The following SPATA13 variants were observed in gnomAD, a reference collection of about 807,000 sequenced individuals.
The protein encoded by SPATA13 is spermatogenesis-associated protein 13.
In SPATA13, 50 loss-of-function variants were observed where a neutral mutation model predicts 104.0. The ratio of observed to expected loss-of-function variants is 0.48; its 90% CI spans 0.38 to 0.61. SPATA13 has a LOEUF of 0.61. Ranked by LOEUF, SPATA13 falls within the 20% of genes least tolerant of loss-of-function variation. SPATA13 has a pLI of 0.00. For missense variants in SPATA13, 1,524 were observed against 1,690.6 expected (o/e 0.90, Z 1.73); for synonymous variants, 606 against 667.5 (o/e 0.91, Z 1.42).
chr13:24,109,194 T>G (rs1254710700), intron 3 of SPATA13, among the ~76,000 whole-genome samples: 1 of 152,174 alleles, frequency 6.6e-6, no homozygotes, highest in African/African-American at 2.4e-5. Context: ...CACCTATGAG[T>G]GAAAACATGC....
Position 24,224,119 on chromosome 13 carries a change from C to T in SPATA13, c.1190C>T (p.Thr397Ile). 1 of 1,551,654 alleles carries T rather than the reference C, an allele frequency of 6.4e-7. No homozygotes were observed. Among genetic ancestry groups the T allele is most frequent in the Non-Finnish European group, 8.7e-7 (1 of 1,147,004 alleles). ...CTVAPGFGSA[T>I]SKGPHLDADT... The stretch of plus-strand genomic sequence containing the variant: ...GTGGCCCCCGGTTTCGGCTCAGCCA[C>T]CTCTAAGGGGCCCCACCTAGACGCT... The change falls in exon 2 of 13, where the codon ACC (threonine) becomes ATC (isoleucine). Residue 397 changes from threonine to isoleucine, a missense_variant. Transcript: ENST00000382108.
At chr13:24,264,794 C>T (rs1048058738) in intron 4 of SPATA13, among the ~76,000 whole-genome samples, 3 of 152,182 alleles carry the variant, frequency 2.0e-5, no homozygotes, top group African/African-American at 7.2e-5. Flanking sequence ...CGTGTGCTTA[C>T]AGAGAACAGG....
intron 1 of SPATA13, among the ~76,000 whole-genome samples, chr13:23,982,246 A>G (rs1874936399): frequency 6.6e-6 from 1 of 152,230 alleles, no homozygotes; most frequent in African/African-American, 2.4e-5. Flanking sequence ...TAGAAAGTTC[A>G]GGTATGGACC....
intron 3 of SPATA13, among the ~76,000 whole-genome samples, chr13:24,115,692 G>A (rs1880810410): frequency 6.6e-6 from 1 of 152,224 alleles, no homozygotes; most frequent in Non-Finnish European, 1.5e-5. Context: ...GTGTCAGAGG[G>A]TCGGGAACAC....
At chr13:24,247,937 C>T (rs1419545353) in intron 2 of SPATA13, among the ~76,000 whole-genome samples, 2 of 152,132 alleles carry the variant, frequency 1.3e-5, no homozygotes, top group Non-Finnish European at 2.9e-5. Flanking sequence ...AGGAGGGAGC[C>T]GGTGGGCTGC....
intron 9 of SPATA13, among the ~76,000 whole-genome samples, chr13:24,292,139 G>T (rs1244513346): frequency 6.6e-6 from 1 of 152,194 alleles, no homozygotes; most frequent in Non-Finnish European, 1.5e-5. Flanking sequence ...TCTTCTGGGG[G>T]AGCCAAAAGT....
At chr13:24,247,847 G>A (rs946211213) in intron 2 of SPATA13, among the ~76,000 whole-genome samples, 6 of 152,058 alleles carry the variant, frequency 3.9e-5, no homozygotes, top group African/African-American at 1.2e-4. Context: ...TGGAAATGGC[G>A]AGCCTGGGGC....
intron 4 of SPATA13, among the ~76,000 whole-genome samples, chr13:24,280,837 C>T (rs1291452185): frequency 6.6e-6 from 1 of 152,156 alleles, no homozygotes; most frequent in African/African-American, 2.4e-5. Context: ...CACACACCAG[C>T]AAAGCATACT....
chr13:24,103,829 C>T (rs1404365080), intron 3 of SPATA13, among the ~76,000 whole-genome samples: 1 of 152,112 alleles, frequency 6.6e-6, no homozygotes, highest in African/African-American at 2.4e-5. Flanking sequence ...AGAGAATTTT[C>T]ATCCCTTTCA....
chr13:24,120,816 A>T (rs1282818824), intron 3 of SPATA13, among the ~76,000 whole-genome samples: 1 of 152,216 alleles, frequency 6.6e-6, no homozygotes, highest in Non-Finnish European at 1.5e-5. Context: ...AGGTACTTAC[A>T]GTTTAAAAGA....
intron 3 of SPATA13, among the ~76,000 whole-genome samples, chr13:24,106,562 T>C (rs1880461194): frequency 6.6e-6 from 1 of 152,082 alleles, no homozygotes; most frequent in Non-Finnish European, 1.5e-5. Context: ...CAGCAGTGGG[T>C]CACCAGCCAC....
intron 1 of SPATA13, among the ~76,000 whole-genome samples, chr13:24,182,490 G>GA (rs891399964): frequency 5.2e-4 from 48 of 92,544 alleles, no homozygotes; most frequent in African/African-American, 1.3e-3. Flanking sequence ...AAGTGAGAGA[G>GA]AGACAGAGAG....
chr13:24,273,478 G>A (rs1314290948), intron 4 of SPATA13, among the ~76,000 whole-genome samples: 1 of 152,122 alleles, frequency 6.6e-6, no homozygotes, highest in Non-Finnish European at 1.5e-5. Flanking sequence ...TATTTGTGAA[G>A]AATGGCTTGA....
Position 24,288,906 on chromosome 13 carries a change from T to C in SPATA13, c.2668-93T>C, listed in dbSNP as rs909844942. ...TAGAGTCTTTTTAATTAAAATTCAT[T>C]CCAAGTTCATGGCTTTAGGCCTACA... On this transcript the variant is annotated intron_variant, in intron 7 of 12. Transcript: ENST00000382108. 1.3e-5 allele frequency: 15 copies of C among 1,130,140 alleles called. No individual in the cohort carries two copies. In the East Asian group the frequency reaches 3.9e-4, roughly 30 times the overall value. 70.0% of individuals were successfully genotyped at this position (1,130,140 alleles called of 1,614,324 possible). A position where few individuals can be genotyped will look rare whatever the true frequency, so the allele number is the denominator to read the frequency against.
intron 1 of SPATA13, among the ~76,000 whole-genome samples, chr13:24,211,841 C>G (rs745585726): frequency 6.6e-6 from 1 of 152,200 alleles, no homozygotes; most frequent in Non-Finnish European, 1.5e-5. Flanking sequence ...CTGTCGTCCT[C>G]CAGCTGGGGT....
Position 24,283,241 on chromosome 13 carries a change from C to G in SPATA13, c.2165-894C>G, listed in dbSNP as rs74040653. Reference sequence around the variant, plus strand: ...GACTCTCCCTATTATATTTCCACTTCCTGGCTGCAGTCATCAGAATTCGGG... The same window carrying G: ...GACTCTCCCTATTATATTTCCACTTGCTGGCTGCAGTCATCAGAATTCGGG... On this transcript the variant is annotated intron_variant, in intron 4 of 12. Coordinates refer to ENST00000382108, the MANE Select transcript of SPATA13 (RefSeq NM_001166271.3). Among the ~76,000 whole-genome samples the G allele has an allele frequency of 7.1e-3, 1,079 of 152,350 alleles. 14 individuals carry two copies. Among genetic ancestry groups the G allele is most frequent in the African/African-American group, 0.025 (1,037 of 41,574 alleles).
intron 3 of SPATA13, among the ~76,000 whole-genome samples, chr13:24,105,170 T>C (rs868429895): frequency 1.1e-4 from 17 of 152,346 alleles, no homozygotes; most frequent in African/African-American, 3.8e-4. Context: ...TTGCCCAGGC[T>C]GGAGTGCAGT....
At position 24,088,569 on chromosome 13, in the gene SPATA13, C is replaced by T. The variant is rs569575738; in HGVS notation, c.-112+70868C>T. ...TCAATACTGTCCCAGCAGGTGGCAACTGCACTCATTTTTAAAATGACATAA... is the reference window on the plus strand; with the variant it reads ...TCAATACTGTCCCAGCAGGTGGCAATTGCACTCATTTTTAAAATGACATAA... On this transcript the variant is annotated intron_variant, in intron 3 of 14. Transcript: ENST00000424834. This position sits in a 1 kb window ranked among gnomAD's most constrained non-coding sequence, Gnocchi z 4.3. Among the ~76,000 whole-genome samples, 24 of 152,268 alleles carry T rather than the reference C, an allele frequency of 1.6e-4. No homozygotes were observed. Among genetic ancestry groups the T allele is most frequent in the Admixed American group, 1.4e-3 (21 of 15,290 alleles).
At chr13:24,284,794 G>A (rs112951070) in intron 5 of SPATA13, among the ~76,000 whole-genome samples, 10 of 152,200 alleles carry the variant, frequency 6.6e-5, no homozygotes, top group Admixed American at 6.5e-4. Context: ...TGTTCGGCCA[G>A]TGCTTTCCAC....
Sources: gnomAD v4.1 joint callset for allele counts (sites outside exome capture counted in the v4.1 genomes callset) on GRCh38, gnomAD v4.1.1 for gene constraint, Gnocchi (gnomAD v3.1) non-coding constraint, MANE v1.5 for transcripts, NCBI Gene and HGNC (gene_info 2026-07-23, HGNC 2026-07-21) for gene names.